SETD5: variants seen among roughly 807,000 people sequenced by gnomAD.
SETD5 encodes the protein histone-lysine N-methyltransferase SETD5.
Under a neutral mutation model 153.3 loss-of-function variants are expected in SETD5, and 44 were observed. The ratio of observed to expected loss-of-function variants is 0.29; its 90% CI spans 0.23 to 0.37. The LOEUF (loss-of-function observed/expected upper bound fraction) is 0.37. Among genes scored for constraint, SETD5 ranks in the 10% least tolerant of loss-of-function variants. SETD5 has a pLI of 1.00. For missense variants in SETD5, 1,544 were observed against 1,768.0 expected (o/e 0.87, Z 2.27); for synonymous variants, 716 against 645.2 (o/e 1.11, Z -1.66).
rs1432231015 is a variant in SETD5, at chr3:9,445,962, G to GTTTTTTTTTTTTTTTT, written c.1524+224_1524+225insTTTTTTTTTTTTTTTT. ...TATTATCTAGTGATGGTTTGAAGAG[G>GTTTTTTTTTTTTTTTT]TTGTTTTTTTTTTTTTTTTTTTTTT... On this transcript the variant is annotated intron_variant, in intron 13 of 22. Transcript: ENST00000402198. 2.9e-3 allele frequency among the ~76,000 whole-genome samples: 346 copies of GTTTTTTTTTTTTTTTT among 120,216 alleles called. 17 individuals carry two copies. Among genetic ancestry groups the GTTTTTTTTTTTTTTTT allele is most frequent in the African/African-American group, 4.7e-3 (135 of 28,622 alleles). 78.9% of individuals were successfully genotyped at this position (120,216 alleles called of 152,430 possible).
intron 7 of SETD5, among the ~76,000 whole-genome samples, chr3:9,437,180 A>C (rs2040671579): frequency 6.6e-6 from 1 of 152,116 alleles, no homozygotes; most frequent in Non-Finnish European, 1.5e-5. Flanking sequence ...GTGTTCTGTC[A>C]CTGTGATTGA....
intron 16 of SETD5, among the ~76,000 whole-genome samples, chr3:9,450,920 G>C (rs1025037131): frequency 1.3e-5 from 2 of 152,088 alleles, no homozygotes; most frequent in African/African-American, 4.8e-5. Context: ...AAAAGAAGAG[G>C]AGTTCAGGTA....
At chr3:9,453,455 A>G (rs2042862115) in intron 16 of SETD5, among the ~76,000 whole-genome samples, 1 of 152,150 alleles carries the variant, frequency 6.6e-6, no homozygotes, top group Non-Finnish European at 1.5e-5. Context: ...ATTTTACACC[A>G]TCCCAAATGG....
At chr3:9,461,616 G>C (rs2043962830) in intron 17 of SETD5, among the ~76,000 whole-genome samples, 1 of 152,096 alleles carries the variant, frequency 6.6e-6, no homozygotes, top group Non-Finnish European at 1.5e-5. Context: ...GGCTTTCTTT[G>C]GCCTGTAAAC....
chr3:9,475,207 C>G, intron 22 of SETD5, 51 bp downstream of exon 22: 1 of 1,501,810 alleles, frequency 6.7e-7, no homozygotes, highest in Non-Finnish European at 9.1e-7. Context: ...TTCTGGGTCC[C>G]AAATTGTCCT....
rs1332415037 is a variant in SETD5, at chr3:9,447,712, C to A, written c.1809C>A (p.Pro603=). Residue 603 remains proline, a synonymous_variant, in exon 15 of 23, where the codon CCC becomes CCA. Transcript: ENST00000402198. ...ATATTGCTGCAGAAAAACTAGTCCC[C>A]AAGCCACCTCCAGCAAAGCCTTCTA... The part of the protein sequence containing the change: ...AGDIAAEKLV[P]KPPPAKPSRP... 1.9e-6 allele frequency: 3 copies of A among 1,613,922 alleles called. No homozygotes were observed. The highest frequency in any genetic ancestry group is 3.3e-5 in the Admixed American group (2 of 60,018).
chr3:9,475,617 C>A lies in SETD5; in HGVS notation c.3855C>A (p.Pro1285=), dbSNP rs369121817. Reference sequence around the variant, plus strand: ...CTGCACTGAGACCTGGAAACCCCCCCTCTCACGGTTCTTCAGAATCATCCC... The same window carrying A: ...CTGCACTGAGACCTGGAAACCCCCCATCTCACGGTTCTTCAGAATCATCCC... ...RTTALRPGNP[P]SHGSSESSLS... is the part of the protein sequence containing the mutation. Residue 1285 remains proline (P), a synonymous_variant, in exon 23 of 23, where the codon CCC becomes CCA. Coordinates refer to ENST00000402198, the MANE Select transcript of SETD5 (RefSeq NM_001080517.3). 4.3e-6 allele frequency: 7 copies of A among 1,613,986 alleles called. No individual in the cohort carries two copies. The highest frequency in any genetic ancestry group is 5.9e-6 in the Non-Finnish European group (7 of 1,179,890).
chr3:9,445,676 A>T lies in SETD5; in HGVS notation c.1460A>T (p.Glu487Val), dbSNP rs1319843852. The T allele has an allele frequency of 6.2e-7, 1 of 1,613,650 alleles. No homozygotes were observed. Among genetic ancestry groups the T allele is most frequent in the South Asian group, 1.1e-5 (1 of 91,062 alleles). Residue 487 changes from glutamate to valine, a missense_variant, in exon 13 of 23, where the codon GAA (glutamate) becomes GTA (valine). Physicochemically the swap from Glu to Val is moderately radical, Grantham distance 121. Around this residue, in one of 9 missense-constraint regions of SETD5, gnomAD observed 782 missense variants for 787.2 expected, o/e 0.99. Transcript: ENST00000402198. ...SDHEEVDNPE[E>V]KPEEEKEEVI... ...TTAAAGGAAGTAGACAATCCAGAAG[A>T]AAAACCAGAAGAAGAGAAAGAAGAG...
At chr3:9,410,384 A>G (rs140865139) in intron 1 of SETD5, among the ~76,000 whole-genome samples, 1 of 152,332 alleles carries the variant, frequency 6.6e-6, no homozygotes, top group Non-Finnish European at 1.5e-5. Context: ...ATGACCATAT[A>G]TAGTCAGATT....
chr3:9,443,063 A>T, intron 10 of SETD5: 1 of 370,092 alleles, frequency 2.7e-6, no homozygotes, highest in Non-Finnish European at 5.1e-6. Flanking sequence ...GAAAGTAGAG[A>T]TTTTACCCTG....
In SETD5 at chr3:9,453,859, G is replaced by C; in HGVS notation, c.2467G>C (p.Asp823His). 1 of 1,579,322 alleles carries C rather than the reference G, an allele frequency of 6.3e-7. No homozygotes were observed. Among genetic ancestry groups the C allele is most frequent in the Non-Finnish European group, 8.6e-7 (1 of 1,169,144 alleles). ...TAGTAGCTCTTCTAGTATCTGCAAA[G>C]ACAATGCAGGTACGTATCTAAAACC... ...ENSSSSSICK[D>H]NADLLSPLKK... The change falls in exon 17 of 23, where the codon GAC (aspartate) becomes CAC (histidine). Residue 823 changes from aspartate (D) to histidine (H), a missense_variant. Asp to His is a moderately conservative substitution (Grantham distance 81). Coordinates refer to ENST00000402198, the MANE Select transcript of SETD5 (RefSeq NM_001080517.3).
In SETD5 at chr3:9,434,134, T is replaced by C. The variant is rs960884794; in HGVS notation, c.177+184T>C. 1.3e-5 allele frequency: 20 copies of C among 1,548,442 alleles called. No individual in the cohort carries two copies. Among genetic ancestry groups the C allele is most frequent in the Non-Finnish European group, 1.7e-5 (19 of 1,147,980 alleles). The stretch of plus-strand genomic sequence containing the variant: ...TCTTGTTTTTATGTCCCAGTTGACC[T>C]TGGCATTTTGTTTTATCACTTTCCT... On this transcript the variant is annotated intron_variant, in intron 4 of 22. Transcript: ENST00000402198. The surrounding 1 kb of genome is among the most constrained non-coding windows in gnomAD (Gnocchi z 5.6).
intron 17 of SETD5, among the ~76,000 whole-genome samples, chr3:9,462,798 C>T (rs2044131698): frequency 6.6e-6 from 1 of 152,000 alleles, no homozygotes; most frequent in Admixed American, 6.6e-5. Flanking sequence ...TGTCTCTCTC[C>T]ACACATCAAG....
chr3:9,475,199 C>T (rs2045739108), intron 22 of SETD5, 43 bp downstream of exon 22: 1 of 1,526,306 alleles, frequency 6.6e-7, no homozygotes, highest in East Asian at 2.4e-5. Flanking sequence ...GGAGTGTGTT[C>T]TGGGTCCCAA....
chr3:9,450,463 A>G (rs1291035616), intron 16 of SETD5, among the ~76,000 whole-genome samples: 1 of 152,174 alleles, frequency 6.6e-6, no homozygotes, highest in African/African-American at 2.4e-5. Flanking sequence ...TCAAGATTCT[A>G]TTTTTTAAAA....
At chr3:9,410,975 G>GC (rs1263455287) in intron 1 of SETD5, among the ~76,000 whole-genome samples, 8 of 151,752 alleles carry the variant, frequency 5.3e-5, no homozygotes, top group African/African-American at 1.9e-4. Context: ...TGCAACCTAG[G>GC]CGTCCCAGGT....
chr3:9,410,002 A>G (rs116259314), intron 1 of SETD5, among the ~76,000 whole-genome samples: 36 of 152,340 alleles, frequency 2.4e-4, no homozygotes, highest in Admixed American at 1.4e-3. Context: ...CCCTTAGGGT[A>G]TATCCCTTTA....
intron 1 of SETD5, among the ~76,000 whole-genome samples, chr3:9,412,807 G>C (rs1168950908): frequency 1.3e-5 from 2 of 151,696 alleles, no homozygotes; most frequent in African/African-American, 2.4e-5. Flanking sequence ...GCTTTAGATA[G>C]AGAGGAGATA....
At chr3:9,464,817 G>GT in intron 18 of SETD5, 145 bp downstream of exon 18, 3 of 1,333,514 alleles carry the variant, frequency 2.2e-6, no homozygotes, top group Non-Finnish European at 3.1e-6. Context: ...CAGGGTCATT[G>GT]TGGCCTGTTA....
Sources: gnomAD v4.1 joint callset for allele counts (sites outside exome capture counted in the v4.1 genomes callset) on GRCh38, gnomAD v4.1.1 for gene constraint, gnomAD v4.1.1 regional missense constraint, Gnocchi (gnomAD v3.1) non-coding constraint, MANE v1.5 for transcripts, NCBI Gene and HGNC (gene_info 2026-07-23, HGNC 2026-07-21) for gene names.